The following TNRC6C variants were observed in gnomAD, a reference collection of about 807,000 sequenced individuals.
TNRC6C encodes the protein trinucleotide repeat-containing gene 6C protein.
TNRC6C carries 20 observed loss-of-function variants against 153.7 expected under a neutral mutation model. The observed-to-expected ratio is 0.13, with a 90% CI of 0.09 to 0.19. The LOEUF (loss-of-function observed/expected upper bound fraction) is 0.19. Among genes scored for constraint, TNRC6C ranks in the 10% least tolerant of loss-of-function variants. The pLI is 1.00. For synonymous variants in TNRC6C, 811 were observed against 841.4 expected (o/e 0.96, Z 0.63); for missense variants, 1,987 against 2,172.0 (o/e 0.91, Z 1.69).
intron 1 of TNRC6C, among the ~76,000 whole-genome samples, chr17:78,016,173 T>C (rs112281690): frequency 0.042 from 6,354 of 152,254 alleles, 415 homozygotes; most frequent in African/African-American, 0.15. Flanking sequence ...TCTTGACTTC[T>C]AGAGCACAGT....
At chr17:77,984,862 G>A (rs2071138581) in intron 1 of TNRC6C, among the ~76,000 whole-genome samples, 1 of 152,110 alleles carries the variant, frequency 6.6e-6, no homozygotes, top group Non-Finnish European at 1.5e-5. Flanking sequence ...TTAGCTTGGA[G>A]CTATTATAGT....
chr17:78,009,424 C>T (rs1040758287), intron 1 of TNRC6C, among the ~76,000 whole-genome samples: 1 of 151,920 alleles, frequency 6.6e-6, no homozygotes, highest in African/African-American at 2.4e-5. Flanking sequence ...TAATTCAGTG[C>T]TTTTAGCCAG....
At chr17:78,100,812 G>C (rs1415418627) in intron 17 of TNRC6C, among the ~76,000 whole-genome samples, 2 of 100,220 alleles carry the variant, frequency 2.0e-5, no homozygotes, top group Admixed American at 3.0e-4. Flanking sequence ...TTTCACTCTT[G>C]TCACCCAGGC....
chr17:78,040,703 G>T (rs2072273952), intron 2 of TNRC6C, among the ~76,000 whole-genome samples: 1 of 152,244 alleles, frequency 6.6e-6, no homozygotes, highest in Non-Finnish European at 1.5e-5. Flanking sequence ...AAAAGTGGCT[G>T]TGATGCTAAT....
Position 78,049,650 on chromosome 17 carries a change from T to C in TNRC6C, c.588T>C (p.Pro196=), listed in dbSNP as rs2072480488. ...ACCCCATGAACTCTTCACCCAACCC[T>C]ATCAATGCAATGCAGACAAATGGAC... The change falls in exon 3 of 20, where the codon CCT becomes CCC. Residue 196 remains proline, a synonymous_variant. Transcript: ENST00000301624. The surrounding 1 kb of genome is among the most constrained non-coding windows in gnomAD (Gnocchi z 4.1). 12 of 1,613,882 alleles carry C rather than the reference T, an allele frequency of 7.4e-6. No homozygotes were observed. Among genetic ancestry groups the C allele is most frequent in the Non-Finnish European group, 1.0e-5 (12 of 1,179,804 alleles).
intron 18 of TNRC6C, 131 bp downstream of exon 21, chr17:78,102,675 G>A: frequency 2.3e-6 from 2 of 875,484 alleles, no homozygotes; most frequent in Non-Finnish European, 3.4e-6. Flanking sequence ...AAGTGACGCT[G>A]CATGGGAGGA....
chr17:78,088,395 T>TTTTC (rs2073334478), intron 13 of TNRC6C, among the ~76,000 whole-genome samples: 1 of 151,960 alleles, frequency 6.6e-6, no homozygotes, highest in African/African-American at 2.4e-5. Context: ...ATTTCTTTAT[T>TTTTC]TTTCTTTCTT....
At chr17:78,082,686 C>G (rs1016311076) in intron 10 of TNRC6C, among the ~76,000 whole-genome samples, 3 of 151,690 alleles carry the variant, frequency 2.0e-5, no homozygotes, top group Non-Finnish European at 4.4e-5. Context: ...TTTATAGGCT[C>G]TCCCCAAGGG....
At chr17:78,077,357 A>G (rs1366496163) in intron 9 of TNRC6C, 23 bp downstream of exon 11, 10 of 1,562,480 alleles carry the variant, frequency 6.4e-6, no homozygotes, top group Non-Finnish European at 8.7e-6. Flanking sequence ...GGAGAGAGCA[A>G]AACATGGCCT....
chr17:78,006,875 G>C (rs2071527955), intron 1 of TNRC6C, among the ~76,000 whole-genome samples: 1 of 150,120 alleles, frequency 6.7e-6, no homozygotes, highest in Admixed American at 6.7e-5. Context: ...CCCAGGCTGG[G>C]TGGAGTACAG....
At chr17:77,988,807 G>C (rs2071208789) in intron 1 of TNRC6C, among the ~76,000 whole-genome samples, 1 of 152,178 alleles carries the variant, frequency 6.6e-6, no homozygotes, top group South Asian at 2.1e-4. Flanking sequence ...AGGAGACTTT[G>C]TGTACTTTTA....
In TNRC6C at chr17:77,987,972, G is replaced by T. The variant is rs1466319078; in HGVS notation, c.-37-16198G>T. Among the ~76,000 whole-genome samples, 9 of 152,224 alleles carry T rather than the reference G, an allele frequency of 5.9e-5. No individual in the cohort carries two copies. The South Asian group carries it at 8.3e-4, about 14-fold the overall frequency. ...TGGGATTATAGATGTGAGCCACCGT[G>T]CCCGGCCTGAAGTAAGCATTTTTTA... is the stretch of plus-strand genomic sequence containing the variant. On this transcript the variant is annotated intron_variant, in intron 1 of 22. Coordinates refer to the TNRC6C transcript ENST00000636222.
chr17:78,081,161 AG>A (rs2073172485), intron 10 of TNRC6C, among the ~76,000 whole-genome samples: 2 of 152,134 alleles, frequency 1.3e-5, no homozygotes, highest in African/African-American at 4.8e-5. Context: ...AGGCTTCCTC[AG>A]GCCTCTGTCA....
intron 16 of TNRC6C, among the ~76,000 whole-genome samples, chr17:78,096,920 C>T (rs926495705): frequency 1.3e-5 from 2 of 152,218 alleles, no homozygotes; most frequent in Non-Finnish European, 2.9e-5. Flanking sequence ...TTAAGGATGG[C>T]CCATTTATCC....
chr17:78,020,625 A>G (rs142660251), intron 1 of TNRC6C, among the ~76,000 whole-genome samples: 1 of 152,364 alleles, frequency 6.6e-6, no homozygotes, highest in Non-Finnish European at 1.5e-5. Context: ...AGCCACATGA[A>G]TCATTTTAAA....
At chr17:78,102,249 C>A (rs2144661501) in intron 17 of TNRC6C, among the ~76,000 whole-genome samples, 1 of 152,166 alleles carries the variant, frequency 6.6e-6, no homozygotes, top group Non-Finnish European at 1.5e-5. Flanking sequence ...GTGGGAAGAT[C>A]CAAAAAGTCA....
In TNRC6C at chr17:78,030,158, T is replaced by G. The variant is rs560614423; in HGVS notation, c.-545-1358T>G. ...ATAATGTATGTGCTAGACTTTTTTT[T>G]TTGTTTTTGGAGACGGAGTCTCGCT... is the stretch of plus-strand genomic sequence containing the variant. On this transcript the variant is annotated intron_variant, in intron 1 of 19. Coordinates refer to ENST00000301624, the Ensembl canonical transcript of TNRC6C. Among the ~76,000 whole-genome samples the G allele has an allele frequency of 4.6e-5, 7 of 152,306 alleles. No homozygotes were observed. In the East Asian group the frequency reaches 1.2e-3, roughly 25 times the overall value.
chr17:78,021,138 A>G (rs2071824223), intron 1 of TNRC6C, among the ~76,000 whole-genome samples: 1 of 152,260 alleles, frequency 6.6e-6, no homozygotes, highest in Admixed American at 6.5e-5. Context: ...CTGAAGAAGG[A>G]GGCTGGACTT....
At chr17:78,042,369 C>A (rs555773243) in intron 2 of TNRC6C, among the ~76,000 whole-genome samples, 2 of 152,216 alleles carry the variant, frequency 1.3e-5, no homozygotes. Flanking sequence ...TTATTAGTTA[C>A]AAACCCTGGC....
Sources: gnomAD v4.1 joint callset for allele counts (sites outside exome capture counted in the v4.1 genomes callset) on GRCh38, gnomAD v4.1.1 for gene constraint, Gnocchi (gnomAD v3.1) non-coding constraint, MANE v1.5 for transcripts, NCBI Gene and HGNC (gene_info 2026-07-23, HGNC 2026-07-21) for gene names.